HIPK2: variants seen among roughly 807,000 people sequenced by gnomAD.
The protein encoded by HIPK2 is homeodomain interacting protein kinase 2.
A neutral mutation model predicts 113.7 loss-of-function variants in HIPK2; 27 were observed. The observed-to-expected ratio is 0.24, with a 90% CI of 0.17 to 0.33. HIPK2 has a LOEUF of 0.33. Among genes scored for constraint, HIPK2 ranks in the 10% least tolerant of loss-of-function variants. HIPK2 has a pLI of 1.00. For synonymous variants in HIPK2, 631 were observed against 642.2 expected, an observed-to-expected ratio of 0.98 and a Z score of 0.26; for missense variants, 1,257 against 1,588.0, an observed-to-expected ratio of 0.79 and a Z score of 3.54.
chr7:139,677,113 G>A (rs747782644), intron 2 of HIPK2, among the ~76,000 whole-genome samples: 1 of 151,734 alleles, frequency 6.6e-6, no homozygotes, highest in South Asian at 2.1e-4. Flanking sequence ...CACCCACCTC[G>A]GCCTTCCAAA....
chr7:139,702,752 G>A (rs1172166558), intron 2 of HIPK2, among the ~76,000 whole-genome samples: 3 of 152,152 alleles, frequency 2.0e-5, no homozygotes, highest in Admixed American at 6.5e-5. Context: ...CTGGGCACAC[G>A]GAGGCTGGAT....
intron 1 of HIPK2, among the ~76,000 whole-genome samples, chr7:139,775,200 G>A (rs180813650): frequency 2.0e-5 from 3 of 152,290 alleles, no homozygotes; most frequent in Admixed American, 6.5e-5. Flanking sequence ...AGCTCTGCTC[G>A]TTTAGCATGC....
At chr7:139,652,648 C>T (rs1801504604) in intron 2 of HIPK2, among the ~76,000 whole-genome samples, 1 of 152,190 alleles carries the variant, frequency 6.6e-6, no homozygotes, top group Admixed American at 6.5e-5. Context: ...CAAAAAAAGA[C>T]AGTCTCTGTT....
At chr7:139,680,561 T>C (rs528293408) in intron 2 of HIPK2, among the ~76,000 whole-genome samples, 2 of 152,338 alleles carry the variant, frequency 1.3e-5, no homozygotes, top group South Asian at 2.1e-4. Context: ...GGGTACTGAA[T>C]GTCCCCAGGA....
At chr7:139,708,474 C>A (rs925083789) in intron 2 of HIPK2, among the ~76,000 whole-genome samples, 1 of 152,112 alleles carries the variant, frequency 6.6e-6, no homozygotes, top group Non-Finnish European at 1.5e-5. Context: ...TCGGCAAGTA[C>A]CCTGGGTGAT....
At chr7:139,761,221 T>C (rs976421200) in intron 1 of HIPK2, among the ~76,000 whole-genome samples, 4 of 152,080 alleles carry the variant, frequency 2.6e-5, no homozygotes, top group African/African-American at 9.7e-5. Context: ...ATAGAAGAAA[T>C]GAAAGAATTA....
At chr7:139,668,562 C>T (rs1311281571) in intron 2 of HIPK2, among the ~76,000 whole-genome samples, 2 of 139,076 alleles carry the variant, frequency 1.4e-5, no homozygotes, top group Non-Finnish European at 3.1e-5. Flanking sequence ...CAGAGCAAGG[C>T]TCTGTCTCAA....
chr7:139,621,900 G>A (rs1295381280), intron 6 of HIPK2, among the ~76,000 whole-genome samples: 1 of 141,850 alleles, frequency 7.0e-6, no homozygotes, highest in Non-Finnish European at 1.5e-5. Flanking sequence ...TCCAGTCTGG[G>A]TGACAGGGTG....
intron 2 of HIPK2, among the ~76,000 whole-genome samples, chr7:139,651,568 A>G (rs940543): frequency 0.63 from 96,042 of 152,018 alleles, 30,642 homozygotes; most frequent in Non-Finnish European, 0.68. Context: ...CTGACCACCT[A>G]CCTGGCCCTG....
intron 2 of HIPK2, among the ~76,000 whole-genome samples, chr7:139,685,492 G>A (rs910488443): frequency 2.0e-5 from 3 of 152,176 alleles, no homozygotes; most frequent in East Asian, 3.9e-4. Context: ...TGAAACAGCC[G>A]TCTATTGGAA....
chr7:139,702,306 C>A (rs1487081605), intron 2 of HIPK2, among the ~76,000 whole-genome samples: 2 of 152,198 alleles, frequency 1.3e-5, no homozygotes, highest in Non-Finnish European at 2.9e-5. Context: ...TGTCGACCCT[C>A]TTATTTCCTC....
chr7:139,597,999 G>A (rs952894848), intron 11 of HIPK2, among the ~76,000 whole-genome samples: 3 of 152,124 alleles, frequency 2.0e-5, no homozygotes, highest in Admixed American at 6.5e-5. Flanking sequence ...AAATTCTTTT[G>A]TTTCATATAC....
At chr7:139,592,073 T>C (rs952493563) in intron 12 of HIPK2, among the ~76,000 whole-genome samples, 6 of 152,380 alleles carry the variant, frequency 3.9e-5, no homozygotes, top group South Asian at 2.1e-4. Context: ...CCTTGCTTTA[T>C]CTATAATGAT....
rs1335331009 is a variant in HIPK2 at position 139,594,623 on chromosome 7, T to C, written c.2717+2094A>G. ...AGACATTTTCTAAGGCACTTGCCAT[T>C]AGATCTCTCTAGAAAACATTATTCT... On this transcript the variant is annotated intron_variant, in intron 12 of 14. Coordinates refer to ENST00000406875, the MANE Select transcript of HIPK2 (RefSeq NM_022740.5). Among the ~76,000 whole-genome samples the C allele has an allele frequency of 2.6e-5, 4 of 152,244 alleles. No individual in the cohort carries two copies. In the East Asian group the frequency reaches 7.7e-4, roughly 29 times the overall value.
chr7:139,616,315 AG>A, intron 7 of HIPK2, among the ~76,000 whole-genome samples: 1 of 152,160 alleles, frequency 6.6e-6, no homozygotes. Flanking sequence ...TTGAGCACAG[AG>A]GGTAGATCAT....
At chr7:139,733,493 C>T (rs1795852070) in intron 1 of HIPK2, among the ~76,000 whole-genome samples, 1 of 152,120 alleles carries the variant, frequency 6.6e-6, no homozygotes. Context: ...ACTGTATAAA[C>T]AATGATCTCA....
intron 2 of HIPK2, among the ~76,000 whole-genome samples, chr7:139,682,300 G>C (rs1802732917): frequency 6.6e-6 from 1 of 152,146 alleles, no homozygotes; most frequent in South Asian, 2.1e-4. Flanking sequence ...AGTGAGTCAA[G>C]ACCTGGGCTT....
chr7:139,677,365 GTC>G (rs1802540116), intron 2 of HIPK2, among the ~76,000 whole-genome samples: 1 of 152,024 alleles, frequency 6.6e-6, no homozygotes, highest in Non-Finnish European at 1.5e-5. Flanking sequence ...GTGAGAAAAT[GTC>G]TTAGTTCGTT....
At chr7:139,771,404 G>A (rs1027307599) in intron 1 of HIPK2, among the ~76,000 whole-genome samples, 2 of 151,878 alleles carry the variant, frequency 1.3e-5, no homozygotes, top group African/African-American at 4.8e-5. Flanking sequence ...AGCAGAAGGT[G>A]GCTTTGTTGG....
Sources: gnomAD v4.1 joint callset for allele counts (sites outside exome capture counted in the v4.1 genomes callset) on GRCh38, gnomAD v4.1.1 for gene constraint, MANE v1.5 for transcripts, NCBI Gene and HGNC (gene_info 2026-07-23, HGNC 2026-07-21) for gene names.